The following LEF1 variants were observed in gnomAD, a reference collection of about 807,000 sequenced individuals.
LEF1 encodes lymphoid enhancer binding factor 1, also known as lymphoid enhancer-binding factor 1.
A neutral mutation model predicts 51.2 loss-of-function variants in LEF1; 14 were observed. The ratio of observed to expected loss-of-function variants is 0.27; its 90% CI spans 0.18 to 0.43. The LOEUF (loss-of-function observed/expected upper bound fraction) is 0.43. Among genes scored for constraint, LEF1 ranks in the 20% least tolerant of loss-of-function variants. The probability of loss-of-function intolerance (pLI) is 1.00; values close to 1 mark genes in which losing one functional copy is unlikely to be tolerated. For synonymous variants in LEF1, 185 were observed against 183.2 expected (o/e 1.01, Z -0.08); for missense variants, 386 against 512.0 (o/e 0.75, Z 2.37).
At chr4:108,081,177 T>C (rs950599033) in intron 6 of LEF1, among the ~76,000 whole-genome samples, 1 of 152,050 alleles carries the variant, frequency 6.6e-6, no homozygotes, top group African/African-American at 2.4e-5. Flanking sequence ...CTGATACAAC[T>C]TTCCACAAAG....
chr4:108,103,614 C>T (rs570745015), intron 3 of LEF1, among the ~76,000 whole-genome samples: 1 of 152,316 alleles, frequency 6.6e-6, no homozygotes, highest in South Asian at 2.1e-4. Flanking sequence ...ATTAAAAGAT[C>T]TGTGGGAATT....
chr4:108,065,769 G>A (rs527626768), intron 9 of LEF1, among the ~76,000 whole-genome samples: 1 of 152,228 alleles, frequency 6.6e-6, no homozygotes, highest in African/African-American at 2.4e-5. Flanking sequence ...TAGAGATATT[G>A]GATATGATAT....
intron 3 of LEF1, among the ~76,000 whole-genome samples, chr4:108,119,991 ATATGTGTG>A (rs1225109455): frequency 4.8e-4 from 14 of 29,406 alleles, no homozygotes; most frequent in Non-Finnish European, 6.2e-4. Context: ...TATATTTTAT[ATATGTGTG>A]TGTGTGTGTG....
intron 11 of LEF1, among the ~76,000 whole-genome samples, chr4:108,053,953 A>C (rs1737165677): frequency 6.6e-6 from 1 of 152,208 alleles, no homozygotes; most frequent in African/African-American, 2.4e-5. Context: ...TAAAGATGTT[A>C]AGTTCACCTT....
chr4:108,109,219 T>G (rs1741367260), intron 3 of LEF1, among the ~76,000 whole-genome samples: 1 of 152,244 alleles, frequency 6.6e-6, no homozygotes, highest in South Asian at 2.1e-4. Context: ...GGCCATCAAC[T>G]ATTACGTCTC....
intron 1 of LEF1, chr4:108,166,512 G>A (rs1745403874): frequency 2.2e-6 from 3 of 1,342,966 alleles, no homozygotes; most frequent in South Asian, 1.6e-5. Context: ...GTGGAACAAG[G>A]GTGACCAGTG....
At chr4:108,122,232 T>C (rs533358908) in intron 3 of LEF1, among the ~76,000 whole-genome samples, 3 of 152,330 alleles carry the variant, frequency 2.0e-5, no homozygotes, top group Middle Eastern at 3.4e-3. Flanking sequence ...GATTTGTCTT[T>C]GTGGTTCTGG....
intron 3 of LEF1, among the ~76,000 whole-genome samples, chr4:108,092,942 A>AAAAAAAAAAAAAAAAACAAC (rs1553952210): frequency 6.9e-6 from 1 of 145,064 alleles, no homozygotes; most frequent in Non-Finnish European, 1.5e-5. Context: ...AAAAAAAAAA[A>AAAAAAAAAAAAAAAAACAAC]AAAAAAAGAC....
At chr4:108,132,802 A>G (rs1168722314) in intron 3 of LEF1, among the ~76,000 whole-genome samples, 1 of 148,452 alleles carries the variant, frequency 6.7e-6, no homozygotes, top group African/African-American at 2.5e-5. Flanking sequence ...CTGAGTAGCT[A>G]GAACTATAGG....
intron 3 of LEF1, among the ~76,000 whole-genome samples, chr4:108,140,125 C>T (rs992314627): frequency 6.6e-6 from 1 of 152,134 alleles, no homozygotes; most frequent in Non-Finnish European, 1.5e-5. Context: ...ATCAAAACCC[C>T]TAATTTGCCG....
chr4:108,085,315 C>T (rs918505562), intron 4 of LEF1, among the ~76,000 whole-genome samples: 5 of 152,218 alleles, frequency 3.3e-5, no homozygotes, highest in Admixed American at 6.5e-5. Context: ...AACTCCTGAC[C>T]TCAGGTGATC....
chr4:108,104,464 T>G (rs1473014679), intron 3 of LEF1, among the ~76,000 whole-genome samples: 1 of 147,586 alleles, frequency 6.8e-6, no homozygotes, highest in Non-Finnish European at 1.5e-5. Flanking sequence ...TATATATAAA[T>G]TATATATATA....
chr4:108,167,888 A>G lies in LEF1; in HGVS notation c.-121T>C. On this transcript the variant is annotated 5_prime_UTR_variant, in exon 1 of 12. Transcript: ENST00000265165. The surrounding 1 kb of genome is among the most constrained non-coding windows in gnomAD (Gnocchi z 5.7). ...GTTGGAAGGGTTCGTGCAGCAGGAC[A>G]GCGGGCGGAAGCGGGGCGGGCGAGC... 2.9e-6 allele frequency: 2 copies of G among 694,344 alleles called. No individual in the cohort carries two copies. The highest frequency in any genetic ancestry group is 4.2e-6 in the Non-Finnish European group (2 of 474,624). The allele number at this position is 694,344 out of a possible 1,614,324, so 43.0% of individuals were successfully genotyped here. A position where few individuals can be genotyped will look rare whatever the true frequency, so the allele number is the denominator to read the frequency against.
Position 108,165,082 on chromosome 4 carries a change from G to C in LEF1, c.280+15C>G. 1 of 1,612,286 alleles carries C rather than the reference G, an allele frequency of 6.2e-7. No individual in the cohort carries two copies. The highest frequency in any genetic ancestry group is 8.5e-7 in the Non-Finnish European group (1 of 1,178,344). ...TTATCTGCTAAAGTCAGAAGAAGTA[G>C]AATGGGTGTCTTACCGTCATCGGGG... is the stretch of plus-strand genomic sequence containing the variant. On this transcript the variant is annotated intron_variant, in intron 2 of 11. Transcript: ENST00000265165.
At chr4:108,141,825 G>A (rs1038084529) in intron 3 of LEF1, among the ~76,000 whole-genome samples, 1 of 152,110 alleles carries the variant, frequency 6.6e-6, no homozygotes, top group Non-Finnish European at 1.5e-5. Flanking sequence ...AACAAAAGCC[G>A]AAGGATGACT....
chr4:108,160,269 C>A (rs961009628), intron 3 of LEF1, among the ~76,000 whole-genome samples: 1 of 152,106 alleles, frequency 6.6e-6, no homozygotes, highest in Non-Finnish European at 1.5e-5. Flanking sequence ...CTATTTTTTT[C>A]TTTTAATACT....
intron 2 of LEF1, among the ~76,000 whole-genome samples, chr4:108,164,141 C>G (rs1282927191): frequency 1.3e-5 from 2 of 151,792 alleles, no homozygotes; most frequent in Non-Finnish European, 2.9e-5. Flanking sequence ...AAAGATTCTA[C>G]CTGTGCTTGC....
intron 3 of LEF1, among the ~76,000 whole-genome samples, chr4:108,092,917 T>TAAAAAAAAAAAAAAAAAAAAAAAA (rs71592104): frequency 3.2e-5 from 1 of 31,156 alleles, no homozygotes; most frequent in Non-Finnish European, 5.3e-5. Context: ...AATGAATATG[T>TAAAAAAAAAAAAAAAAAAAAAAAA]AAAAAAAAAA....
At chr4:108,096,740 T>C (rs1329701368) in intron 3 of LEF1, among the ~76,000 whole-genome samples, 1 of 152,124 alleles carries the variant, frequency 6.6e-6, no homozygotes, top group African/African-American at 2.4e-5. Context: ...AACAACTCTA[T>C]AGGAAAAAGT....
Sources: gnomAD v4.1 joint callset for allele counts (sites outside exome capture counted in the v4.1 genomes callset) on GRCh38, gnomAD v4.1.1 for gene constraint, Gnocchi (gnomAD v3.1) non-coding constraint, MANE v1.5 for transcripts, NCBI Gene and HGNC (gene_info 2026-07-23, HGNC 2026-07-21) for gene names.